The following CNBD1 variants were observed in gnomAD, a reference collection of about 807,000 sequenced individuals.
CNBD1 encodes cyclic nucleotide-binding domain-containing protein 1.
Under a neutral mutation model 54.4 loss-of-function variants are expected in CNBD1, and 71 were observed. That is an observed-to-expected ratio of 1.30 (90% confidence interval 1.08 to 1.59). CNBD1 has a LOEUF of 1.59. CNBD1 is among the 40% of genes most tolerant of loss of function. The pLI is 0.00. For synonymous variants in CNBD1, 182 were observed against 170.7 expected (o/e 1.07, Z -0.51); for missense variants, 659 against 518.0 (o/e 1.27, Z -2.64).
At chr8:87,376,063 A>G (rs1810924377) in intron 10 of CNBD1, among the ~76,000 whole-genome samples, 1 of 151,916 alleles carries the variant, frequency 6.6e-6, no homozygotes, top group African/African-American at 2.4e-5. Context: ...GCAGAGATGA[A>G]CTTTTTAGTT....
chr8:87,425,959 G>A (rs1310452922), intron 2 of CNBD1, among the ~76,000 whole-genome samples: 1 of 152,182 alleles, frequency 6.6e-6, no homozygotes, highest in Non-Finnish European at 1.5e-5. Context: ...TGCTGTGCTA[G>A]CAATCAGCGA....
chr8:86,933,298 C>G lies in CNBD1; in HGVS notation c.273-6298C>G, dbSNP rs543492054. On this transcript the variant is annotated intron_variant, in intron 3 of 10. Coordinates refer to ENST00000518476, the MANE Select transcript of CNBD1 (RefSeq NM_173538.3). ...TTTGTATACAAAACAAAAAACCGAA[C>G]AAACTTAACAAAAATCCAATTCACT... Among the ~76,000 whole-genome samples, 26 of 152,154 alleles carry G rather than the reference C, an allele frequency of 1.7e-4. 1 individual carries two copies. In the South Asian group the frequency reaches 5.4e-3, roughly 32 times the overall value.
downstream of CNBD1, among the ~76,000 whole-genome samples, chr8:87,387,134 C>T (rs191926509): frequency 1.2e-4 from 19 of 152,270 alleles, no homozygotes; most frequent in East Asian, 3.7e-3. Flanking sequence ...ACAACCGGTA[C>T]CAGCCACTGC....
chr8:87,292,186 G>A (rs1386305071), intron 8 of CNBD1, among the ~76,000 whole-genome samples: 2 of 152,144 alleles, frequency 1.3e-5, no homozygotes, highest in Non-Finnish European at 2.9e-5. Context: ...TTGAGTAGAT[G>A]TTTTACAGAA....
chr8:86,963,024 A>C (rs1807972237), intron 4 of CNBD1, among the ~76,000 whole-genome samples: 1 of 152,076 alleles, frequency 6.6e-6, no homozygotes, highest in Non-Finnish European at 1.5e-5. Context: ...TTCACTGGTT[A>C]CCCATCTGGA....
At chr8:87,307,883 T>C (rs1563546048) in intron 8 of CNBD1, among the ~76,000 whole-genome samples, 1 of 151,896 alleles carries the variant, frequency 6.6e-6, no homozygotes, top group African/African-American at 2.4e-5. Flanking sequence ...AACAAAATAA[T>C]TTATTGGTTT....
intron 1 of CNBD1, 143 bp from the exon 2 acceptor site, chr8:86,887,399 A>AT (rs1808696467): frequency 3.5e-6 from 2 of 567,932 alleles, no homozygotes; most frequent in South Asian, 2.7e-5. Flanking sequence ...CTACTTGTGT[A>AT]TTAAACAAAG....
chr8:87,350,024 T>A (rs930894026), intron 8 of CNBD1, among the ~76,000 whole-genome samples: 5 of 152,198 alleles, frequency 3.3e-5, no homozygotes, highest in Non-Finnish European at 5.9e-5. Context: ...CTTTGGTACA[T>A]GTTTAAGTGC....
chr8:87,382,508 A>G (rs1214222653), intron 10 of CNBD1, 112 bp from the exon 11 acceptor site: 3 of 761,188 alleles, frequency 3.9e-6, no homozygotes, highest in African/African-American at 3.5e-5. Context: ...CTTTTAAAGC[A>G]TAACCCCTCT....
intron 1 of CNBD1, among the ~76,000 whole-genome samples, chr8:86,886,786 G>T (rs184528771): frequency 6.6e-6 from 1 of 152,208 alleles, no homozygotes; most frequent in Admixed American, 6.5e-5. Context: ...ATGCCTAAGT[G>T]AGTATTTATT....
chr8:87,028,089 C>G (rs1009261547), intron 4 of CNBD1, among the ~76,000 whole-genome samples: 1 of 152,080 alleles, frequency 6.6e-6, no homozygotes, highest in African/African-American at 2.4e-5. Flanking sequence ...CCAAGTGTAT[C>G]CATACTGAAA....
intron 4 of CNBD1, among the ~76,000 whole-genome samples, chr8:87,169,742 T>C (rs533803863): frequency 5.3e-5 from 8 of 152,184 alleles, no homozygotes; most frequent in Admixed American, 3.9e-4. Flanking sequence ...CTTTTTGGGT[T>C]CTCTACTGTT....
chr8:87,390,632 C>T (rs1443143881), intron 2 of CNBD1, among the ~76,000 whole-genome samples: 2 of 152,116 alleles, frequency 1.3e-5, no homozygotes, highest in Non-Finnish European at 1.5e-5. Flanking sequence ...AACACTTTTG[C>T]ACTGTTGGTG....
intron 5 of CNBD1, among the ~76,000 whole-genome samples, chr8:87,217,625 A>T (rs957652014): frequency 2.0e-5 from 3 of 151,446 alleles, no homozygotes; most frequent in Non-Finnish European, 4.4e-5. Flanking sequence ...TAATGTCTGA[A>T]GTTAAAATAA....
At chr8:87,068,923 T>C (rs1039017859) in intron 4 of CNBD1, among the ~76,000 whole-genome samples, 1 of 152,034 alleles carries the variant, frequency 6.6e-6, no homozygotes, top group Non-Finnish European at 1.5e-5. Flanking sequence ...AGAAAAATAG[T>C]AAGCACCTTT....
chr8:87,166,111 A>C lies in CNBD1; in HGVS notation c.432-39882A>C, dbSNP rs1586301632. Among the ~76,000 whole-genome samples, 1 of 152,074 alleles carries C rather than the reference A, an allele frequency of 6.6e-6. No homozygotes were observed. The highest frequency in any genetic ancestry group is 2.1e-4 in the South Asian group (1 of 4,828). ...AACTAACTCTTGGTTTCCTCTGCTG[A>C]TCTGTCCCACTAATAAAACCTCTTA... On this transcript the variant is annotated intron_variant, in intron 4 of 10. Transcript: ENST00000518476. This position sits in a 1 kb window ranked among gnomAD's most constrained non-coding sequence, Gnocchi z 4.3.
At chr8:86,970,684 C>T (rs1041810002) in intron 4 of CNBD1, among the ~76,000 whole-genome samples, 1 of 152,160 alleles carries the variant, frequency 6.6e-6, no homozygotes, top group Non-Finnish European at 1.5e-5. Flanking sequence ...TTAGCTTCCT[C>T]TTATAATTGA....
At chr8:87,407,148 C>A (rs1440193428) in intron 2 of CNBD1, among the ~76,000 whole-genome samples, 1 of 152,068 alleles carries the variant, frequency 6.6e-6, no homozygotes, top group Admixed American at 6.6e-5. Context: ...CTTTCCTTAA[C>A]CTCTTTCAGT....
intron 2 of CNBD1, among the ~76,000 whole-genome samples, chr8:87,396,764 G>T (rs973952270): frequency 3.3e-5 from 5 of 151,384 alleles, no homozygotes; most frequent in Non-Finnish European, 7.4e-5. Flanking sequence ...AATTTCTTCA[G>T]TCCATCTATT....
Sources: gnomAD v4.1 joint callset for allele counts (sites outside exome capture counted in the v4.1 genomes callset) on GRCh38, gnomAD v4.1.1 for gene constraint, Gnocchi (gnomAD v3.1) non-coding constraint, MANE v1.5 for transcripts, NCBI Gene and HGNC (gene_info 2026-07-23, HGNC 2026-07-21) for gene names.